SPATA16: variants seen among roughly 807,000 people sequenced by gnomAD.
The protein encoded by SPATA16 is spermatogenesis associated 16.
A neutral mutation model predicts 63.3 loss-of-function variants in SPATA16; 36 were observed. The observed-to-expected ratio is 0.57, with a 90% CI of 0.44 to 0.75. The LOEUF (loss-of-function observed/expected upper bound fraction) is 0.75. SPATA16 is among the 30% of genes least tolerant of loss of function. The pLI is 0.00. For missense variants in SPATA16, 646 were observed against 679.3 expected (o/e 0.95, Z 0.54); for synonymous variants, 203 against 216.7 (o/e 0.94, Z 0.56).
chr3:173,031,036 TG>T (rs1735592061), intron 3 of SPATA16, among the ~76,000 whole-genome samples: 1 of 151,994 alleles, frequency 6.6e-6, no homozygotes, highest in African/African-American at 2.4e-5. Context: ...GTCAAATTTA[TG>T]GGGACAGGAA....
intron 2 of SPATA16, among the ~76,000 whole-genome samples, chr3:173,107,744 A>G (rs1452790631): frequency 6.6e-6 from 1 of 152,152 alleles, no homozygotes; most frequent in African/African-American, 2.4e-5. Flanking sequence ...ATGAAGTTGT[A>G]TGTGTAGGAA....
intron 5 of SPATA16, among the ~76,000 whole-genome samples, chr3:172,960,358 T>C (rs2108237569): frequency 6.6e-6 from 1 of 152,352 alleles, no homozygotes; most frequent in African/African-American, 2.4e-5. Context: ...TTGTTAAATG[T>C]ACATTGCTGT....
chr3:173,044,740 C>T (rs9831939), intron 3 of SPATA16, among the ~76,000 whole-genome samples: 8,116 of 152,098 alleles, frequency 0.053, 507 homozygotes, highest in African/African-American at 0.15. Flanking sequence ...TGACATATTT[C>T]CTGAAAAATA....
intron 2 of SPATA16, among the ~76,000 whole-genome samples, chr3:173,089,521 G>A (rs559346677): frequency 6.6e-6 from 1 of 152,322 alleles, no homozygotes; most frequent in African/African-American, 2.4e-5. Context: ...AGCAGTCAGT[G>A]AAGATACGGA....
chr3:172,921,808 T>G (rs958250138), intron 8 of SPATA16, among the ~76,000 whole-genome samples: 2 of 152,220 alleles, frequency 1.3e-5, no homozygotes, highest in Non-Finnish European at 1.5e-5. Flanking sequence ...CTGGCAGTTA[T>G]CAGCCTATTT....
In SPATA16 at chr3:172,913,715, G is replaced by T. The variant is rs765712332; in HGVS notation, c.1533C>A (p.Asp511Glu). 1 of 1,613,688 alleles carries T rather than the reference G, an allele frequency of 6.2e-7. No homozygotes were observed. The highest frequency in any genetic ancestry group is 8.5e-7 in the Non-Finnish European group (1 of 1,179,776). The change falls in exon 10 of 11, where the codon GAC (aspartate) becomes GAA (glutamate). Residue 511 changes from aspartate (D) to glutamate (E), a missense_variant. Coordinates refer to ENST00000351008, the MANE Select transcript of SPATA16 (RefSeq NM_031955.6). Reference sequence around the variant, plus strand: ...TATTGTTTCTTCTTCCTTCAAGGGTGTCCATAGCATCTGCCATTAGTGACT... The same window carrying T: ...TATTGTTTCTTCTTCCTTCAAGGGTTTCCATAGCATCTGCCATTAGTGACT... The part of the protein sequence containing the change: ...LLQSLMADAM[D>E]TLEGRRNNNE...
chr3:173,137,322 C>T (rs1738572853), intron 1 of SPATA16, among the ~76,000 whole-genome samples: 1 of 152,082 alleles, frequency 6.6e-6, no homozygotes, highest in Admixed American at 6.5e-5. Flanking sequence ...TGTGAAAGAT[C>T]TGGAAGAATA....
At chr3:173,130,358 CA>C (rs1202660573) in intron 1 of SPATA16, among the ~76,000 whole-genome samples, 1,095 of 39,894 alleles carry the variant, frequency 0.027, 2 homozygotes, top group African/African-American at 0.057. Context: ...GACTTCGTCT[CA>C]AAAAAAAAAA....
At chr3:172,926,664 C>T (rs78688070) in intron 6 of SPATA16, among the ~76,000 whole-genome samples, 3,980 of 152,208 alleles carry the variant, frequency 0.026, 165 homozygotes, top group African/African-American at 0.09. Context: ...GATAGAGGCC[C>T]ACCTTACAGA....
intron 2 of SPATA16, among the ~76,000 whole-genome samples, chr3:173,072,967 C>T (rs1259341896): frequency 3.9e-5 from 6 of 152,106 alleles, no homozygotes; most frequent in African/African-American, 1.4e-4. Flanking sequence ...CTGTTGTGGT[C>T]TCAGATGGAG....
intron 5 of SPATA16, among the ~76,000 whole-genome samples, chr3:172,964,907 A>C (rs1733878359): frequency 6.6e-6 from 1 of 152,210 alleles, no homozygotes; most frequent in Admixed American, 6.5e-5. Context: ...ATGTTGGAGA[A>C]CAAATTAAAA....
At chr3:172,905,692 G>T (rs58833722) in intron 10 of SPATA16, among the ~76,000 whole-genome samples, 14,808 of 152,144 alleles carry the variant, frequency 0.097, 824 homozygotes, top group African/African-American at 0.15. Flanking sequence ...TGATTCATAA[G>T]TTAAGATTTT....
intron 2 of SPATA16, among the ~76,000 whole-genome samples, chr3:173,064,926 T>C (rs1736479686): frequency 6.6e-6 from 1 of 152,190 alleles, no homozygotes; most frequent in Admixed American, 6.5e-5. Flanking sequence ...AGAATTTCTT[T>C]TCTAAATTTC....
chr3:172,994,179 A>G (rs1232378309), intron 4 of SPATA16, among the ~76,000 whole-genome samples: 3 of 152,176 alleles, frequency 2.0e-5, no homozygotes, highest in Admixed American at 2.0e-4. Context: ...TTAGATACCA[A>G]GAGTATGTGA....
At chr3:172,915,986 A>G (rs1732474667) in intron 9 of SPATA16, among the ~76,000 whole-genome samples, 1 of 152,200 alleles carries the variant, frequency 6.6e-6, no homozygotes, top group Non-Finnish European at 1.5e-5. Flanking sequence ...ATCATATATC[A>G]ATATATCTTG....
chr3:172,939,778 A>G (rs1733102160), intron 6 of SPATA16, among the ~76,000 whole-genome samples: 1 of 152,132 alleles, frequency 6.6e-6, no homozygotes, highest in Admixed American at 6.5e-5. Flanking sequence ...TTTCAACCCT[A>G]TCTGAGTATA....
At chr3:172,997,575 C>G (rs1167370600) in intron 4 of SPATA16, among the ~76,000 whole-genome samples, 3 of 151,920 alleles carry the variant, frequency 2.0e-5, no homozygotes, top group Admixed American at 6.6e-5. Context: ...ATTTTCTTGA[C>G]AGTGTATTTT....
chr3:173,084,955 G>A (rs1489695096), intron 2 of SPATA16, among the ~76,000 whole-genome samples: 1 of 152,150 alleles, frequency 6.6e-6, no homozygotes, highest in South Asian at 2.1e-4. Context: ...ATAGCGTGAT[G>A]CCTCCAACTT....
At chr3:173,029,481 T>C (rs1417229396) in intron 3 of SPATA16, among the ~76,000 whole-genome samples, 1 of 150,768 alleles carries the variant, frequency 6.6e-6, no homozygotes, top group Admixed American at 6.6e-5. Flanking sequence ...AGATCCCAGA[T>C]GGTGGTGAAA....
Sources: gnomAD v4.1 joint callset for allele counts (sites outside exome capture counted in the v4.1 genomes callset) on GRCh38, gnomAD v4.1.1 for gene constraint, MANE v1.5 for transcripts, NCBI Gene and HGNC (gene_info 2026-07-23, HGNC 2026-07-21) for gene names.